The following SNX30 variants were observed in gnomAD, a reference collection of about 807,000 sequenced individuals.
SNX30 encodes sorting nexin family member 30.
In SNX30, 24 loss-of-function variants were observed where a neutral mutation model predicts 46.4. That is an observed-to-expected ratio of 0.52 (90% CI 0.37 to 0.73). The LOEUF (loss-of-function observed/expected upper bound fraction) is 0.73, where lower values mean the gene tolerates loss of function less well. Ranked by LOEUF, SNX30 falls within the 30% of genes least tolerant of loss-of-function variation. The pLI, the probability that SNX30 is intolerant of heterozygous loss-of-function variation, is 0.00. For missense variants in SNX30, 533 were observed against 555.7 expected, an observed-to-expected ratio of 0.96 and a Z score of 0.41; for synonymous variants, 189 against 211.5, an observed-to-expected ratio of 0.89 and a Z score of 0.92.
chr9:112,847,344 G>A (rs903642549), intron 6 of SNX30, among the ~76,000 whole-genome samples: 4 of 152,010 alleles, frequency 2.6e-5, no homozygotes, highest in Admixed American at 6.5e-5. Flanking sequence ...TCTCTGTCAC[G>A]CTGCTCCCAA....
intron 2 of SNX30, among the ~76,000 whole-genome samples, chr9:112,814,577 A>G (rs1840368645): frequency 6.6e-6 from 1 of 152,250 alleles, no homozygotes; most frequent in Non-Finnish European, 1.5e-5. Context: ...TGATAAAAGA[A>G]GAAAAATACT....
chr9:112,866,899 TCAGAATTCCTCCTGCC>T (rs1218359296), intron 8 of SNX30, among the ~76,000 whole-genome samples: 2 of 148,194 alleles, frequency 1.3e-5, no homozygotes, highest in Non-Finnish European at 3.0e-5. Context: ...TCCTCCCTCC[TCAGAATTCCTCCTGCC>T]TCCTCAGAAC....
At chr9:112,875,421 C>T (rs1469165872), downstream of SNX30, 1 of 152,212 alleles carries the variant, frequency 6.6e-6, no homozygotes, top group Non-Finnish European at 1.5e-5. Context: ...AAATAGTGCT[C>T]AACTTGACTT....
chr9:112,751,156 A>T lies in SNX30; in HGVS notation c.155A>T (p.Lys52Met). Residue 52 changes from lysine to methionine, a missense_variant and splice_region_variant, in exon 1 of 9, where the codon AAG becomes ATG. By Grantham distance (95) the Lys-to-Met change is moderately conservative. This residue lies in a region of SNX30 where 191 missense variants were observed against 160.3 expected (regional missense o/e 1.19). Transcript: ENST00000374232. ...DLLMARSFGDKDLILPNGGTP... is the reference protein window; with the variant it reads ...DLLMARSFGDMDLILPNGGTP... ...CTGATGGCCCGCAGCTTCGGTGACA[A>T]GGTGGGGCGCCTGGGGCCGGGGAGT... The T allele has an allele frequency of 6.6e-7, 1 of 1,512,304 alleles. No individual in the cohort carries two copies. The highest frequency in any genetic ancestry group is 8.8e-7 in the Non-Finnish European group (1 of 1,135,788). The allele number at this position is 1,512,304 out of a possible 1,614,324, so 93.7% of individuals were successfully genotyped here. A position where few individuals can be genotyped will look rare whatever the true frequency, so the allele number is the denominator to read the frequency against.
downstream of SNX30, chr9:112,879,807 A>AT: frequency 6.2e-7 from 1 of 1,613,030 alleles, no homozygotes; most frequent in Non-Finnish European, 8.5e-7. Flanking sequence ...GGACTTGTTT[A>AT]TAGGCCACGA....
intron 5 of SNX30, among the ~76,000 whole-genome samples, chr9:112,837,722 A>C (rs924315289): frequency 6.6e-6 from 1 of 151,144 alleles, no homozygotes; most frequent in African/African-American, 2.4e-5. Context: ...TGATCCACCC[A>C]CCTCGGCCTC....
In SNX30 at chr9:112,751,116, C is replaced by G. The variant is rs754639852; in HGVS notation, c.115C>G (p.Pro39Ala). The G allele has an allele frequency of 1.4e-5, 22 of 1,520,654 alleles. No homozygotes were observed. The highest frequency in any genetic ancestry group is 1.9e-4 in the Middle Eastern group (1 of 5,216). 94.2% of individuals were successfully genotyped at this position (1,520,654 alleles called of 1,614,324 possible). ...GGAGGCCGTGGGTGGTGACAGCACGCCCAGCCCGGACCTGCTGATGGCCCG... is the reference window on the plus strand; with the variant it reads ...GGAGGCCGTGGGTGGTGACAGCACGGCCAGCCCGGACCTGCTGATGGCCCG... ...SEEAVGGDST[P>A]SPDLLMARSF... Residue 39 changes from proline (P) to alanine (A), a missense_variant, in exon 1 of 9, where the codon CCC becomes GCC. Physicochemically the swap from Pro to Ala is conservative, Grantham distance 27 (BLOSUM62 -1). Around this residue, in one of 3 missense-constraint regions of SNX30, gnomAD observed 191 missense variants for 160.3 expected, o/e 1.19. Coordinates refer to ENST00000374232, the MANE Select transcript of SNX30 (RefSeq NM_001012994.2).
At chr9:112,879,915 C>CT, downstream of SNX30, 1 of 1,211,554 alleles carries the variant, frequency 8.3e-7, no homozygotes, top group Non-Finnish European at 1.2e-6. Flanking sequence ...ACAAGCCAGG[C>CT]TTTAGGCAAA....
chr9:112,852,253 TA>T (rs36011220), intron 7 of SNX30, among the ~76,000 whole-genome samples: 1 of 149,166 alleles, frequency 6.7e-6, no homozygotes, highest in Non-Finnish European at 1.5e-5. Flanking sequence ...GACCCTATCT[TA>T]AAAAAAAAAG....
At chr9:112,815,096 G>A (rs1840376991) in intron 2 of SNX30, among the ~76,000 whole-genome samples, 1 of 152,004 alleles carries the variant, frequency 6.6e-6, no homozygotes, top group Non-Finnish European at 1.5e-5. Context: ...TGTATTTAGA[G>A]GGATTATGGC....
intron 1 of SNX30, among the ~76,000 whole-genome samples, chr9:112,776,426 C>T (rs1839748910): frequency 6.6e-6 from 1 of 152,192 alleles, no homozygotes; most frequent in African/African-American, 2.4e-5. Context: ...TTTTGGACCT[C>T]CTCTGACTGT....
chr9:112,827,200 C>T (rs532111149), intron 3 of SNX30, among the ~76,000 whole-genome samples: 1 of 152,316 alleles, frequency 6.6e-6, no homozygotes, highest in Non-Finnish European at 1.5e-5. Context: ...TGCTGCCAGT[C>T]TTACAACAAA....
At chr9:112,882,172 T>A (rs1841585427), downstream of SNX30, among the ~76,000 whole-genome samples, 1 of 152,228 alleles carries the variant, frequency 6.6e-6, no homozygotes. Context: ...AGTGTCATGA[T>A]CTTTGCTCAT....
At chr9:112,836,695 A>G (rs1840757833) in intron 5 of SNX30, among the ~76,000 whole-genome samples, 1 of 152,148 alleles carries the variant, frequency 6.6e-6, no homozygotes, top group Non-Finnish European at 1.5e-5. Context: ...CTTTAGCTTT[A>G]AAAGTGGAGA....
At chr9:112,836,925 G>A (rs921587808) in intron 5 of SNX30, among the ~76,000 whole-genome samples, 4 of 152,148 alleles carry the variant, frequency 2.6e-5, no homozygotes, top group Admixed American at 1.3e-4. Context: ...GGCCTGTATT[G>A]ATCCTTCCTC....
chr9:112,828,664 GTC>G (rs1840613982), intron 3 of SNX30, among the ~76,000 whole-genome samples: 1 of 152,166 alleles, frequency 6.6e-6, no homozygotes, highest in African/African-American at 2.4e-5. Context: ...AGGGAACTTT[GTC>G]AATGGCAGTG....
Position 112,838,099 on chromosome 9 carries a change from G to GC in SNX30, c.815-398dup, listed in dbSNP as rs748937114. ...GTAGAAACGGGGTTTCACTGTGTTA[G>GC]CAGGATGGTCTCGATCTCCTGACCT... On this transcript the variant is annotated intron_variant, in intron 5 of 8. Coordinates refer to ENST00000374232, the MANE Select transcript of SNX30 (RefSeq NM_001012994.2). Among the ~76,000 whole-genome samples, 47 of 147,346 alleles carry GC rather than the reference G, an allele frequency of 3.2e-4. 1 individual carries two copies. The highest frequency in any genetic ancestry group is 1.1e-3 in the African/African-American group (45 of 39,894).
chr9:112,865,661 A>ATATATATATATATGTGTG, intron 8 of SNX30, among the ~76,000 whole-genome samples: 42 of 105,682 alleles, frequency 4.0e-4, no homozygotes, highest in African/African-American at 1.5e-3. Flanking sequence ...ATATATATAT[A>ATATATATATATATGTGTG]TGTATGTATG....
intron 1 of SNX30, among the ~76,000 whole-genome samples, chr9:112,769,609 C>G (rs1839612747): frequency 6.6e-6 from 1 of 152,182 alleles, no homozygotes; most frequent in African/African-American, 2.4e-5. Flanking sequence ...ACTGGCTGTT[C>G]CTCCTCTGTC....
Sources: allele counts gnomAD v4.1 joint callset (sites outside exome capture counted in the v4.1 genomes callset), GRCh38; gene constraint gnomAD v4.1.1; regional missense constraint gnomAD v4.1.1; transcripts MANE v1.5; gene names NCBI Gene and HGNC (gene_info 2026-07-23, HGNC 2026-07-21).